The following THSD7B variants were observed in gnomAD, a reference collection of about 807,000 sequenced individuals.
The protein encoded by THSD7B is thrombospondin type-1 domain-containing protein 7B.
Under a neutral mutation model 213.6 loss-of-function variants are expected in THSD7B, and 138 were observed. That is an observed-to-expected ratio of 0.65 (90% CI 0.56 to 0.74). The LOEUF (loss-of-function observed/expected upper bound fraction) is 0.74, where lower values mean the gene tolerates loss of function less well. THSD7B is among the 30% of genes least tolerant of loss of function. THSD7B has a pLI of 0.00. For missense variants in THSD7B, 1,931 were observed against 1,991.5 expected (o/e 0.97, Z 0.58); for synonymous variants, 742 against 687.0 (o/e 1.08, Z -1.25).
chr2:136,940,538 T>C (rs1218186287), intron 2 of THSD7B, among the ~76,000 whole-genome samples: 1 of 150,464 alleles, frequency 6.6e-6, no homozygotes, highest in Admixed American at 6.6e-5. Flanking sequence ...ACTATAGATA[T>C]GCACAACCAC....
intron 1 of THSD7B, among the ~76,000 whole-genome samples, chr2:136,843,401 G>A (rs1248636658): frequency 6.6e-6 from 1 of 152,170 alleles, no homozygotes; most frequent in Admixed American, 6.5e-5. Context: ...ATTCGTGAAT[G>A]TCCATTGTTC....
At chr2:137,520,322 C>T (rs1680161923) in intron 15 of THSD7B, among the ~76,000 whole-genome samples, 1 of 152,112 alleles carries the variant, frequency 6.6e-6, no homozygotes, top group Admixed American at 6.5e-5. Context: ...ATGATGATGA[C>T]AATTTGTATA....
intron 2 of THSD7B, among the ~76,000 whole-genome samples, chr2:136,941,319 T>C (rs1244455000): frequency 6.6e-6 from 1 of 152,200 alleles, no homozygotes; most frequent in Non-Finnish European, 1.5e-5. Context: ...TAAGCATACG[T>C]GTTCATGTGT....
At chr2:137,504,033 A>G (rs1460754449) in intron 15 of THSD7B, among the ~76,000 whole-genome samples, 1 of 150,144 alleles carries the variant, frequency 6.7e-6, no homozygotes, top group East Asian at 2.0e-4. Flanking sequence ...CTCAAAAAAA[A>G]AAAGAAAAAA....
Position 137,638,823 on chromosome 2 carries a change from C to A in THSD7B, c.3800-3665C>A, listed in dbSNP as rs1359924150. On this transcript the variant is annotated intron_variant, in intron 20 of 27. Coordinates refer to ENST00000409968, the MANE Select transcript of THSD7B (RefSeq NM_001316349.2). Reference sequence around the variant, plus strand: ...AGACTGGTGGCATTTTGCCCCTGCCCTAGAGATTTGTGAAACTTCGAACTT... The same window carrying A: ...AGACTGGTGGCATTTTGCCCCTGCCATAGAGATTTGTGAAACTTCGAACTT... 2.0e-5 allele frequency among the ~76,000 whole-genome samples: 3 copies of A among 152,184 alleles called. No homozygotes were observed. The East Asian group carries it at 5.8e-4, about 29-fold the overall frequency.
chr2:137,099,136 A>T (rs1688098073), intron 4 of THSD7B, among the ~76,000 whole-genome samples: 1 of 152,058 alleles, frequency 6.6e-6, no homozygotes, highest in Non-Finnish European at 1.5e-5. Flanking sequence ...CATGAGAGAG[A>T]GGATAAATTT....
rs116213566 is a variant in THSD7B, at chr2:136,920,871, T to C, written c.139+38554T>C. Among the ~76,000 whole-genome samples, 957 of 152,248 alleles carry C rather than the reference T, an allele frequency of 6.3e-3. 10 individuals are homozygous for C. Among genetic ancestry groups the C allele is most frequent in the African/African-American group, 0.022 (912 of 41,550 alleles). ...TGCGTCAGTGCTGCCCTGGCTGGGT[T>C]ATGACAGTACCTGGGCTCAGCCACA... On this transcript the variant is annotated intron_variant, in intron 2 of 27. Coordinates refer to ENST00000409968, the MANE Select transcript of THSD7B (RefSeq NM_001316349.2).
At chr2:136,800,761 A>G (rs1682163987) in intron 1 of THSD7B, among the ~76,000 whole-genome samples, 1 of 150,808 alleles carries the variant, frequency 6.6e-6, no homozygotes. Flanking sequence ...CTGTGAGATA[A>G]AATGGTAAGG....
chr2:137,111,358 T>C (rs1258658934), intron 4 of THSD7B, among the ~76,000 whole-genome samples: 2 of 152,194 alleles, frequency 1.3e-5, no homozygotes, highest in Non-Finnish European at 2.9e-5. Context: ...CTGTACTACT[T>C]GATTGAGCTT....
chr2:137,446,441 G>A (rs1389775900), intron 14 of THSD7B, among the ~76,000 whole-genome samples: 1 of 151,974 alleles, frequency 6.6e-6, no homozygotes, highest in African/African-American at 2.4e-5. Flanking sequence ...ATTCTATTTG[G>A]TAGATCATTA....
At chr2:137,334,864 G>C (rs1684602627) in intron 12 of THSD7B, among the ~76,000 whole-genome samples, 1 of 152,108 alleles carries the variant, frequency 6.6e-6, no homozygotes, top group African/African-American at 2.4e-5. Flanking sequence ...TGTCTTATGG[G>C]AGCAGTTCCC....
chr2:137,592,202 CA>C (rs1681879142), intron 17 of THSD7B, among the ~76,000 whole-genome samples: 1 of 151,576 alleles, frequency 6.6e-6, no homozygotes, highest in African/African-American at 2.4e-5. Context: ...CTCTGCATTA[CA>C]AATGTATAAA....
chr2:136,882,435 TC>T (rs1683642015), intron 2 of THSD7B, 118 bp downstream of exon 2: 3 of 1,069,096 alleles, frequency 2.8e-6, no homozygotes, highest in Non-Finnish European at 3.5e-6. Context: ...AAAAATAGAC[TC>T]TTTTTTTTAA....
intron 20 of THSD7B, among the ~76,000 whole-genome samples, chr2:137,641,869 A>T (rs555226874): frequency 6.6e-6 from 1 of 152,318 alleles, no homozygotes; most frequent in East Asian, 1.9e-4. Context: ...ATTGGTTCTA[A>T]ACCTCTGAAA....
chr2:137,138,793 T>G (rs886875644), intron 5 of THSD7B, among the ~76,000 whole-genome samples: 1 of 152,206 alleles, frequency 6.6e-6, no homozygotes, highest in Non-Finnish European at 1.5e-5. Flanking sequence ...GTTTTGCAAA[T>G]TTAAAGTATG....
At chr2:136,797,978 A>G (rs1217556229) in intron 1 of THSD7B, among the ~76,000 whole-genome samples, 4 of 151,958 alleles carry the variant, frequency 2.6e-5, no homozygotes, top group Non-Finnish European at 5.9e-5. Flanking sequence ...TCTCACTACT[A>G]TAATTCTAGA....
intron 2 of THSD7B, among the ~76,000 whole-genome samples, chr2:137,051,326 A>G (rs1035021576): frequency 6.6e-6 from 1 of 152,124 alleles, no homozygotes; most frequent in Non-Finnish European, 1.5e-5. Flanking sequence ...AATTGTTGTT[A>G]TAATGAATGA....
intron 6 of THSD7B, among the ~76,000 whole-genome samples, chr2:137,161,216 A>G (rs1020497834): frequency 1.3e-5 from 2 of 152,122 alleles, no homozygotes; most frequent in Non-Finnish European, 2.9e-5. Context: ...TTCATCTTCA[A>G]AAGTTTACTC....
chr2:137,091,283 T>C (rs1687944018), intron 3 of THSD7B, among the ~76,000 whole-genome samples: 1 of 152,050 alleles, frequency 6.6e-6, no homozygotes, highest in Admixed American at 6.6e-5. Context: ...AGCTGGTAAG[T>C]GGGAAGAAAG....
Sources: allele counts gnomAD v4.1 joint callset (sites outside exome capture counted in the v4.1 genomes callset), GRCh38; gene constraint gnomAD v4.1.1; transcripts MANE v1.5; gene names NCBI Gene and HGNC (gene_info 2026-07-23, HGNC 2026-07-21).